GALNT10: variants seen among roughly 807,000 people sequenced by gnomAD.
GALNT10 encodes polypeptide N-acetylgalactosaminyltransferase 10.
In GALNT10, 41 loss-of-function variants were observed where a neutral mutation model predicts 75.0. That is an observed-to-expected ratio of 0.55 (90% confidence interval 0.43 to 0.71). GALNT10 has a LOEUF of 0.71. GALNT10 is among the 30% of genes least tolerant of loss of function. The probability of loss-of-function intolerance (pLI) is 0.00; values close to 1 mark genes in which losing one functional copy is unlikely to be tolerated. For missense variants in GALNT10, 727 were observed against 818.5 expected, an observed-to-expected ratio of 0.89 and a Z score of 1.36; for synonymous variants, 302 against 313.0, an observed-to-expected ratio of 0.96 and a Z score of 0.37.
intron 3 of GALNT10, chr5:154,329,317 C>T (rs1411724662): frequency 2.8e-5 from 13 of 458,616 alleles, no homozygotes; most frequent in Middle Eastern, 5.8e-4. Flanking sequence ...CAGTCCTCCA[C>T]ATGAAATCAC....
intron 6 of GALNT10, 26 bp from the exon 7 acceptor site, chr5:154,386,287 C>A: frequency 6.5e-7 from 1 of 1,542,462 alleles, no homozygotes; most frequent in South Asian, 1.1e-5. Context: ...TCTGCACCTT[C>A]ACACCATGTT....
At chr5:154,300,501 A>C (rs1372583435) in intron 3 of GALNT10, among the ~76,000 whole-genome samples, 1 of 152,200 alleles carries the variant, frequency 6.6e-6, no homozygotes, top group African/African-American at 2.4e-5. Flanking sequence ...CTCCAAAAGC[A>C]ATTCTCACGT....
At chr5:154,314,664 A>C (rs1172283022) in intron 3 of GALNT10, among the ~76,000 whole-genome samples, 3 of 151,678 alleles carry the variant, frequency 2.0e-5, no homozygotes, top group African/African-American at 7.3e-5. Flanking sequence ...GCTCCCAACC[A>C]GCTCCATCTC....
At position 154,332,696 on chromosome 5, in the gene GALNT10, A is replaced by G. The variant is rs577331390; in HGVS notation, c.568+2958A>G. On this transcript the variant is annotated intron_variant, in intron 4 of 11. Coordinates refer to ENST00000297107, the MANE Select transcript of GALNT10 (RefSeq NM_198321.4). Reference sequence around the variant, plus strand: ...ATGTATGGCAGCTACCCATGCATACAGAAAACCATCACCAGCAGCAGGGCC... The same window carrying G: ...ATGTATGGCAGCTACCCATGCATACGGAAAACCATCACCAGCAGCAGGGCC... 8.5e-5 allele frequency among the ~76,000 whole-genome samples: 13 copies of G among 152,348 alleles called. No homozygotes were observed. The South Asian group carries it at 2.5e-3, about 29-fold the overall frequency.
chr5:154,378,276 C>T (rs1186621566), intron 5 of GALNT10, among the ~76,000 whole-genome samples: 1 of 152,182 alleles, frequency 6.6e-6, no homozygotes, highest in Admixed American at 6.5e-5. Context: ...AAGGATTCAT[C>T]CTCCCTATGG....
intron 1 of GALNT10, among the ~76,000 whole-genome samples, chr5:154,250,266 GTCTT>G (rs1469369837): frequency 2.0e-5 from 3 of 152,044 alleles, no homozygotes; most frequent in Admixed American, 1.3e-4. Flanking sequence ...AGGCATTTTG[GTCTT>G]TCTTTCTTGG....
chr5:154,252,604 G>A (rs1220365329), intron 1 of GALNT10, among the ~76,000 whole-genome samples: 1 of 150,644 alleles, frequency 6.6e-6, no homozygotes, highest in African/African-American at 2.4e-5. Context: ...CTAAAAGGAT[G>A]TTCCCTCCTT....
At chr5:154,230,296 G>GT (rs1196175652) in intron 1 of GALNT10, among the ~76,000 whole-genome samples, 1 of 152,160 alleles carries the variant, frequency 6.6e-6, no homozygotes, top group Non-Finnish European at 1.5e-5. Context: ...GCCCAGAAGT[G>GT]TATCAAGTCA....
rs1380458513 is a variant in GALNT10 at position 154,190,944 on chromosome 5, G to A, written c.78G>A (p.Gly26=). 6.6e-7 allele frequency: 1 copy of A among 1,511,072 alleles called. No individual in the cohort carries two copies. The highest frequency in any genetic ancestry group is 2.0e-5 in the Admixed American group (1 of 49,630). The allele number at this position is 1,511,072 out of a possible 1,614,324, so 93.6% of individuals were successfully genotyped here. ...LAALVLLPNV[G]LWALYRERQP... Reference sequence around the variant, plus strand: ...CCCTGGTCCTCCTGCCCAACGTGGGGCTTTGGGCGCTGTACCGCGAGCGGC... The same window carrying A: ...CCCTGGTCCTCCTGCCCAACGTGGGACTTTGGGCGCTGTACCGCGAGCGGC... The change falls in exon 1 of 12, where the codon GGG becomes GGA. Residue 26 remains glycine, a synonymous_variant. Transcript: ENST00000297107.
intron 1 of GALNT10, among the ~76,000 whole-genome samples, chr5:154,219,834 T>TCA (rs763537693): frequency 1.5e-4 from 19 of 129,606 alleles, no homozygotes; most frequent in South Asian, 2.6e-4. Context: ...TCTCTCTCTC[T>TCA]CTCTCACACA....
intron 1 of GALNT10, among the ~76,000 whole-genome samples, chr5:154,203,268 C>G (rs768213003): frequency 6.6e-6 from 1 of 152,134 alleles, no homozygotes; most frequent in South Asian, 2.1e-4. Flanking sequence ...CCCCGCAACC[C>G]CCATAGTCTC....
At chr5:154,249,104 C>T (rs944335509) in intron 1 of GALNT10, among the ~76,000 whole-genome samples, 2 of 152,218 alleles carry the variant, frequency 1.3e-5, no homozygotes, top group East Asian at 3.8e-4. Flanking sequence ...CTATCTGATC[C>T]TAGGTAAGTC....
intron 4 of GALNT10, among the ~76,000 whole-genome samples, chr5:154,359,611 T>C (rs1755351626): frequency 6.6e-6 from 1 of 151,754 alleles, no homozygotes; most frequent in Admixed American, 6.6e-5. Context: ...CCTATATCCT[T>C]TCCCCATCAC....
chr5:154,359,225 T>G (rs1445456048), intron 4 of GALNT10, among the ~76,000 whole-genome samples: 2 of 152,134 alleles, frequency 1.3e-5, no homozygotes, highest in Non-Finnish European at 1.5e-5. Flanking sequence ...CAGAGGCAGC[T>G]TTTTGCTAGA....
At chr5:154,209,870 G>A (rs1245772871) in intron 1 of GALNT10, among the ~76,000 whole-genome samples, 2 of 150,662 alleles carry the variant, frequency 1.3e-5, no homozygotes, top group Non-Finnish European at 3.0e-5. Flanking sequence ...AGCTCTAGTG[G>A]GGTTTACAGT....
At chr5:154,225,222 A>G (rs1753042779) in intron 1 of GALNT10, among the ~76,000 whole-genome samples, 1 of 151,464 alleles carries the variant, frequency 6.6e-6, no homozygotes, top group South Asian at 2.1e-4. Flanking sequence ...CCTCCCAAGT[A>G]GCTGGGACTA....
intron 1 of GALNT10, among the ~76,000 whole-genome samples, chr5:154,276,360 G>A (rs556981500): frequency 6.6e-6 from 1 of 152,306 alleles, no homozygotes; most frequent in African/African-American, 2.4e-5. Flanking sequence ...TACAAAACCA[G>A]CAATGCCATA....
At chr5:154,196,805 C>T (rs1774953029) in intron 1 of GALNT10, among the ~76,000 whole-genome samples, 1 of 152,082 alleles carries the variant, frequency 6.6e-6, no homozygotes, top group African/African-American at 2.4e-5. Context: ...CTTAACGTAC[C>T]CTAGAGCTAG....
At chr5:154,219,291 C>T (rs1221001871) in intron 1 of GALNT10, among the ~76,000 whole-genome samples, 1 of 152,200 alleles carries the variant, frequency 6.6e-6, no homozygotes, top group Non-Finnish European at 1.5e-5. Context: ...CCTTCCCTGA[C>T]CACCCTGCCC....
Sources: allele counts gnomAD v4.1 joint callset (sites outside exome capture counted in the v4.1 genomes callset), GRCh38; gene constraint gnomAD v4.1.1; transcripts MANE v1.5; gene names NCBI Gene and HGNC (gene_info 2026-07-23, HGNC 2026-07-21).